Variants in KCNJ16 observed in about 807,000 individuals in gnomAD.
KCNJ16 encodes inward rectifier potassium channel 16.
A neutral mutation model predicts 18.5 loss-of-function variants in KCNJ16; 15 were observed. That is an observed-to-expected ratio of 0.81 (90% CI 0.54 to 1.25). The LOEUF is 1.25. KCNJ16 is among the 50% of genes most tolerant of loss of function. The pLI, the probability that KCNJ16 is intolerant of heterozygous loss-of-function variation, is 0.00. For synonymous variants in KCNJ16, 174 were observed against 186.5 expected (o/e 0.93, Z 0.55); for missense variants, 523 against 525.7 (o/e 0.99, Z 0.05).
intron 2 of KCNJ16, among the ~76,000 whole-genome samples, chr17:70,126,622 C>T (rs1469032784): frequency 1.3e-5 from 2 of 152,164 alleles, no homozygotes; most frequent in Non-Finnish European, 2.9e-5. Flanking sequence ...AAGTTGAGGG[C>T]AGACCTGGAA....
intron 2 of KCNJ16, among the ~76,000 whole-genome samples, chr17:70,126,405 C>G (rs1383186181): frequency 4.6e-5 from 7 of 152,192 alleles, no homozygotes; most frequent in African/African-American, 1.7e-4. Context: ...ATGGAGTCCC[C>G]CTGGTTTGAA....
intron 2 of KCNJ16, among the ~76,000 whole-genome samples, chr17:70,119,972 T>C (rs1444147049): frequency 1.3e-5 from 2 of 152,214 alleles, no homozygotes. Context: ...GCTTCCCTTT[T>C]AAATATAAGT....
Position 70,120,337 on chromosome 17 carries a change from C to T in KCNJ16, c.-190-10542C>T, listed in dbSNP as rs777042180. Among the ~76,000 whole-genome samples the T allele has an allele frequency of 6.4e-4, 98 of 152,284 alleles. No individual in the cohort carries two copies. In the Middle Eastern group the frequency reaches 0.02, roughly 32 times the overall value. On this transcript the variant is annotated intron_variant, in intron 2 of 3. Coordinates refer to ENST00000392671, the MANE Select transcript of KCNJ16 (RefSeq NM_170741.4). ...TTCTTCTGAGTCCTCCAAACTCTTC[C>T]ACCCTCTGTCTGTCATTCAGTTTCA...
chr17:70,100,117 G>C (rs545873256), intron 1 of KCNJ16, among the ~76,000 whole-genome samples: 1 of 152,282 alleles, frequency 6.6e-6, no homozygotes, highest in Admixed American at 6.5e-5. Flanking sequence ...CGGCAAAAAT[G>C]GCACCTGTGA....
intron 2 of KCNJ16, among the ~76,000 whole-genome samples, chr17:70,115,456 T>C (rs756277541): frequency 3.3e-5 from 5 of 152,124 alleles, no homozygotes; most frequent in Non-Finnish European, 7.4e-5. Flanking sequence ...CATCTAGCAA[T>C]AGAGACCTCA....
At chr17:70,129,846 G>A (rs1414829859) in intron 2 of KCNJ16, among the ~76,000 whole-genome samples, 1 of 152,070 alleles carries the variant, frequency 6.6e-6, no homozygotes, top group African/African-American at 2.4e-5. Flanking sequence ...GCAGTTGCTG[G>A]TACCCCTGGA....
chr17:70,103,937 C>CTT (rs71149820), intron 2 of KCNJ16, among the ~76,000 whole-genome samples: 5,172 of 131,984 alleles, frequency 0.039, 156 homozygotes, highest in Middle Eastern at 0.071. Flanking sequence ...ATTTTATTAT[C>CTT]TTTTTTTTTT....
intron 2 of KCNJ16, among the ~76,000 whole-genome samples, chr17:70,123,173 GCT>G (rs928077913): frequency 6.6e-5 from 10 of 151,954 alleles, no homozygotes; most frequent in Non-Finnish European, 1.3e-4. Context: ...CTATGCTCTG[GCT>G]CTCTCTTTCT....
At chr17:70,084,794 C>A (rs750723921) in intron 1 of KCNJ16, among the ~76,000 whole-genome samples, 1 of 151,990 alleles carries the variant, frequency 6.6e-6, no homozygotes, top group Non-Finnish European at 1.5e-5. Flanking sequence ...ATGACAGATA[C>A]GTTAAGAAAC....
chr17:70,115,026 C>A (rs8073266), intron 2 of KCNJ16, among the ~76,000 whole-genome samples: 2 of 151,972 alleles, frequency 1.3e-5, no homozygotes, highest in Admixed American at 6.6e-5. Flanking sequence ...GGCTCAAAGA[C>A]GTCGATTAGT....
chr17:70,130,036 A>G (rs2074003919), intron 2 of KCNJ16, among the ~76,000 whole-genome samples: 1 of 152,118 alleles, frequency 6.6e-6, no homozygotes, highest in Non-Finnish European at 1.5e-5. Context: ...CCGTGTGTGT[A>G]GTTCCCTTGA....
intron 2 of KCNJ16, among the ~76,000 whole-genome samples, chr17:70,112,086 G>GCA (rs911016145): frequency 4.0e-4 from 61 of 152,288 alleles, no homozygotes; most frequent in African/African-American, 1.5e-3. Context: ...TTGCTTGATG[G>GCA]CACAGCATAG....
intron 1 of KCNJ16, among the ~76,000 whole-genome samples, chr17:70,082,632 C>T (rs546804112): frequency 2.6e-5 from 4 of 152,272 alleles, no homozygotes; most frequent in Middle Eastern, 3.4e-3. Context: ...AATTGCTTGT[C>T]GAGGCTCTCC....
chr17:70,076,303 G>A (rs1193037588), intron 1 of KCNJ16, among the ~76,000 whole-genome samples: 1 of 152,132 alleles, frequency 6.6e-6, no homozygotes, highest in African/African-American at 2.4e-5. Context: ...TATGGGAAAT[G>A]TAGACTAGCC....
rs2074137682 is a variant in KCNJ16, at chr17:70,133,447, A to G, written c.*103A>G. 5 of 883,378 alleles carry G rather than the reference A, an allele frequency of 5.7e-6. No homozygotes were observed. The highest frequency in any genetic ancestry group is 5.1e-5 in the East Asian group (2 of 38,874). The allele number at this position is 883,378 out of a possible 1,614,324, so 54.7% of individuals were successfully genotyped here. On this transcript the variant is annotated 3_prime_UTR_variant, in exon 4 of 4. Transcript: ENST00000392671. ...TTTGAAAGTGTTATGGCTATGTTTT[A>G]TGATGATGCTGGGTAAGTAGAGTAA...
chr17:70,090,155 G>A (rs1567781018), intron 1 of KCNJ16, among the ~76,000 whole-genome samples: 1 of 152,208 alleles, frequency 6.6e-6, no homozygotes, highest in Admixed American at 6.5e-5. Context: ...GGCTGTTTCT[G>A]CTTCTGTCCA....
At chr17:70,119,321 G>A (rs962372931) in intron 2 of KCNJ16, among the ~76,000 whole-genome samples, 21 of 152,214 alleles carry the variant, frequency 1.4e-4, no homozygotes, top group Non-Finnish European at 2.9e-5. Context: ...CTGGTGTCTG[G>A]AGGATGGTGA....
chr17:70,127,956 A>G (rs981918173), intron 2 of KCNJ16: 6 of 152,190 alleles, frequency 3.9e-5, no homozygotes, highest in African/African-American at 1.4e-4. Context: ...TTAACATATC[A>G]TGTTAAGTAG....
At chr17:70,103,308 A>G (rs1276717955) in intron 2 of KCNJ16, among the ~76,000 whole-genome samples, 7 of 13,810 alleles carry the variant, frequency 5.1e-4, no homozygotes, top group Non-Finnish European at 9.3e-4. Context: ...ATATATATAT[A>G]TATATATATA....
Sources: allele counts gnomAD v4.1 joint callset (sites outside exome capture counted in the v4.1 genomes callset), GRCh38; gene constraint gnomAD v4.1.1; transcripts MANE v1.5; gene names NCBI Gene and HGNC (gene_info 2026-07-23, HGNC 2026-07-21).